Variants in FARP1 observed in about 807,000 individuals in gnomAD.
FARP1 encodes FERM, ARH/RhoGEF and pleckstrin domain protein 1.
A neutral mutation model predicts 128.8 loss-of-function variants in FARP1; 52 were observed. That is an observed-to-expected ratio of 0.40 (90% CI 0.32 to 0.51). The LOEUF (loss-of-function observed/expected upper bound fraction) is 0.51. Ranked by LOEUF, FARP1 falls within the 20% of genes least tolerant of loss-of-function variation. The pLI is 0.45. For synonymous variants in FARP1, 580 were observed against 551.8 expected, an observed-to-expected ratio of 1.05 and a Z score of -0.72; for missense variants, 1,333 against 1,367.9, an observed-to-expected ratio of 0.97 and a Z score of 0.40.
chr13:98,413,010 C>T (rs1891248383), intron 16 of FARP1, among the ~76,000 whole-genome samples: 1 of 152,346 alleles, frequency 6.6e-6, no homozygotes, highest in African/African-American at 2.4e-5. Flanking sequence ...GTGAGGTTGT[C>T]CTGCCTCTGG....
rs1019481842 is a variant in FARP1 at position 98,452,901 on chromosome 13, T to C, written c.*4584T>C. 12 of 358,848 alleles carry C rather than the reference T, an allele frequency of 3.3e-5. No individual in the cohort carries two copies. The highest frequency in any genetic ancestry group is 1.7e-4 in the African/African-American group (8 of 47,560). The allele number at this position is 358,848 out of a possible 1,614,324, so 22.2% of individuals were successfully genotyped here. On this transcript the variant is annotated 3_prime_UTR_variant, in exon 27 of 27. Coordinates refer to ENST00000319562, the MANE Select transcript of FARP1 (RefSeq NM_005766.4). ...TTTTTAAAGACACTTTCCTGGAATA[T>C]GTGCACTATGGTTAAAATTAAAAAC...
intron 3 of FARP1, among the ~76,000 whole-genome samples, chr13:98,353,115 C>T (rs79209955): frequency 6.6e-6 from 1 of 152,076 alleles, no homozygotes; most frequent in African/African-American, 2.4e-5. Flanking sequence ...GGGGATGGTG[C>T]GAAGCCATTC....
rs914258962 is a variant in FARP1, at chr13:98,431,383, C to T, written c.2143+103C>T. The T allele has an allele frequency of 1.0e-5, 7 of 698,094 alleles. No individual in the cohort carries two copies. The African/African-American group carries it at 1.1e-4, about 11-fold the overall frequency. 43.2% of individuals were successfully genotyped at this position (698,094 alleles called of 1,614,324 possible). On this transcript the variant is annotated intron_variant, in intron 18 of 26. Coordinates refer to ENST00000319562, the MANE Select transcript of FARP1 (RefSeq NM_005766.4). ...GGAGGGGCTCCCCGGGGAGAGAGGT[C>T]AGCTGATGCTGGGTCCCAGGTTTTC...
intron 6 of FARP1, 38 bp downstream of exon 6, chr13:98,377,956 A>G: frequency 7.2e-7 from 1 of 1,395,198 alleles, no homozygotes; most frequent in Non-Finnish European, 1.0e-6. Context: ...TCATGTTCAA[A>G]ATAACACAGT....
chr13:98,443,003 T>A (rs545489601), intron 24 of FARP1, among the ~76,000 whole-genome samples: 1 of 152,184 alleles, frequency 6.6e-6, no homozygotes, highest in East Asian at 1.9e-4. Flanking sequence ...GCAGCCCAGC[T>A]TTTTTGGATA....
chr13:98,258,370 A>G (rs1883714170), intron 2 of FARP1, among the ~76,000 whole-genome samples: 1 of 152,212 alleles, frequency 6.6e-6, no homozygotes, highest in Admixed American at 6.5e-5. Context: ...CTGTACTTTT[A>G]ACTCTGAAGA....
At chr13:98,299,400 T>C (rs1381157113) in intron 2 of FARP1, among the ~76,000 whole-genome samples, 5 of 152,206 alleles carry the variant, frequency 3.3e-5, no homozygotes, top group Non-Finnish European at 7.3e-5. Flanking sequence ...ATTTGAAAGA[T>C]GGGGCCCAGC....
intron 13 of FARP1, chr13:98,398,223 T>C (rs543660873): frequency 4.6e-5 from 7 of 152,362 alleles, no homozygotes; most frequent in Admixed American, 4.6e-4. Flanking sequence ...TTTTTTGTTT[T>C]GTTTTCCTAA....
chr13:98,373,479 T>C (rs1332072257), intron 5 of FARP1, among the ~76,000 whole-genome samples: 1 of 151,500 alleles, frequency 6.6e-6, no homozygotes, highest in East Asian at 1.9e-4. Context: ...GAGGTTTAGA[T>C]TGTTTTATAT....
chr13:98,258,987 C>T (rs930117311), intron 2 of FARP1, among the ~76,000 whole-genome samples: 9 of 152,158 alleles, frequency 5.9e-5, no homozygotes, highest in African/African-American at 1.4e-4. Context: ...GCGGGAGGAT[C>T]GCTTGAGCTC....
intron 2 of FARP1, among the ~76,000 whole-genome samples, chr13:98,313,728 G>T (rs1198920521): frequency 6.6e-6 from 1 of 152,084 alleles, no homozygotes; most frequent in African/African-American, 2.4e-5. Context: ...TGAGTCTATC[G>T]TCATTCCTTT....
chr13:98,239,980 G>C (rs543684509), intron 2 of FARP1, among the ~76,000 whole-genome samples: 2 of 152,184 alleles, frequency 1.3e-5, no homozygotes, highest in African/African-American at 2.4e-5. Context: ...TCCAGAGAGC[G>C]AGAGTGAAGT....
Position 98,453,952 on chromosome 13 carries a change from C to T in FARP1, c.*5635C>T, listed in dbSNP as rs1893325926. On this transcript the variant is annotated 3_prime_UTR_variant, in exon 27 of 27. Transcript: ENST00000319562. ...CCGCATTATACTTACCAGTGTGCAG[C>T]CCCAAATCCGAAATCTGACATGCCC... 6.6e-6 allele frequency: 1 copy of T among 152,146 alleles called. No individual in the cohort carries two copies. Among genetic ancestry groups the T allele is most frequent in the East Asian group, 1.9e-4 (1 of 5,198 alleles). 9.4% of individuals were successfully genotyped at this position (152,146 alleles called of 1,614,324 possible).
intron 2 of FARP1, chr13:98,244,983 T>A: frequency 1.7e-6 from 2 of 1,199,206 alleles, no homozygotes; most frequent in Non-Finnish European, 2.1e-6. Flanking sequence ...GTGGGTTGTT[T>A]GCCACTAGGG....
intron 2 of FARP1, among the ~76,000 whole-genome samples, chr13:98,264,444 C>G (rs1884008893): frequency 6.6e-6 from 1 of 152,178 alleles, no homozygotes; most frequent in African/African-American, 2.4e-5. Flanking sequence ...GTCCGTGCTC[C>G]CCGTCCGCCA....
chr13:98,373,533 G>GCCAGACACACACACACACACACAC (rs1555341450), intron 5 of FARP1, among the ~76,000 whole-genome samples: 3 of 130,984 alleles, frequency 2.3e-5, no homozygotes, highest in African/African-American at 8.9e-5. Context: ...CAGACAGACA[G>GCCAGACACACACACACACACACAC]ACACACACAC....
chr13:98,412,707 A>T (rs1566301971), intron 16 of FARP1, among the ~76,000 whole-genome samples: 2 of 152,222 alleles, frequency 1.3e-5, no homozygotes, highest in East Asian at 3.8e-4. Flanking sequence ...GGTACAAAAA[A>T]CCAGGAAAAG....
chr13:98,229,085 G>T (rs1881961665), intron 2 of FARP1, among the ~76,000 whole-genome samples: 1 of 152,192 alleles, frequency 6.6e-6, no homozygotes, highest in South Asian at 2.1e-4. Context: ...ATTAAATATT[G>T]TTTTTTGAAT....
At chr13:98,208,977 A>G (rs9517215) in intron 1 of FARP1, among the ~76,000 whole-genome samples, 11,286 of 152,208 alleles carry the variant, frequency 0.074, 472 homozygotes, top group Non-Finnish European at 0.092. Context: ...GTTTTCCTGA[A>G]GAGAAGGCTT....
Sources: gnomAD v4.1 joint callset for allele counts (sites outside exome capture counted in the v4.1 genomes callset) on GRCh38, gnomAD v4.1.1 for gene constraint, MANE v1.5 for transcripts, NCBI Gene and HGNC (gene_info 2026-07-23, HGNC 2026-07-21) for gene names.